The following RPRD2 variants were observed in gnomAD, a reference collection of about 807,000 sequenced individuals.
RPRD2 encodes the protein regulation of nuclear pre-mRNA domain containing 2.
In RPRD2, 12 loss-of-function variants were observed where a neutral mutation model predicts 104.4. The observed-to-expected ratio is 0.11, with a 90% CI of 0.07 to 0.19. The LOEUF is 0.19. Among genes scored for constraint, RPRD2 ranks in the 10% least tolerant of loss-of-function variants. RPRD2 has a pLI of 1.00. For missense variants in RPRD2, 1,543 were observed against 1,790.1 expected (o/e 0.86, Z 2.49); for synonymous variants, 714 against 684.9 (o/e 1.04, Z -0.66).
intron 1 of RPRD2, among the ~76,000 whole-genome samples, chr1:150,389,160 C>G (rs1553882745): frequency 1.3e-5 from 2 of 152,226 alleles, no homozygotes; most frequent in Middle Eastern, 3.4e-3. Context: ...CCTCAGACTC[C>G]CGAGTAGCTG....
At chr1:150,459,977 A>C in intron 8 of RPRD2, 83 bp from the exon 9 acceptor site, 1 of 1,324,576 alleles carries the variant, frequency 7.5e-7, no homozygotes, top group Non-Finnish European at 1.0e-6. Context: ...CCAAGTCCGG[A>C]AATATTAGGA....
chr1:150,376,225 C>T (rs1177220687), intron 1 of RPRD2, among the ~76,000 whole-genome samples: 1 of 152,034 alleles, frequency 6.6e-6, no homozygotes, highest in Non-Finnish European at 1.5e-5. Flanking sequence ...TTGATTGAGG[C>T]CTTGATCTCT....
intron 1 of RPRD2, among the ~76,000 whole-genome samples, chr1:150,386,022 G>A (rs1487935827): frequency 6.6e-6 from 1 of 151,916 alleles, no homozygotes; most frequent in Non-Finnish European, 1.5e-5. Flanking sequence ...AGAGGGGTGT[G>A]GTGTATGATT....
At chr1:150,461,052 C>A (rs1553898698) in intron 9 of RPRD2, among the ~76,000 whole-genome samples, 1 of 151,392 alleles carries the variant, frequency 6.6e-6, no homozygotes, top group African/African-American at 2.4e-5. Context: ...AAAAAATAAT[C>A]CAATAATCGG....
chr1:150,390,937 A>G (rs1294420137), intron 1 of RPRD2, among the ~76,000 whole-genome samples: 2 of 152,184 alleles, frequency 1.3e-5, no homozygotes, highest in African/African-American at 2.4e-5. Flanking sequence ...ATAAAAAGAA[A>G]TCTACTTGTA....
At chr1:150,436,142 A>C (rs1265105626) in intron 2 of RPRD2, among the ~76,000 whole-genome samples, 4 of 152,134 alleles carry the variant, frequency 2.6e-5, no homozygotes, top group African/African-American at 9.7e-5. Context: ...AAAAAAAAAA[A>C]AAACACAGAT....
intron 3 of RPRD2, chr1:150,441,467 G>T: frequency 5.1e-6 from 1 of 194,754 alleles, no homozygotes; most frequent in Non-Finnish European, 1.1e-5. Context: ...AGTAAGTGGT[G>T]TACTGTTTTG....
intron 1 of RPRD2, among the ~76,000 whole-genome samples, chr1:150,395,365 T>TTGTGTG (rs10524632): frequency 0.11 from 15,343 of 144,018 alleles, 927 homozygotes; most frequent in Non-Finnish European, 0.13. Context: ...TAGTATTCCA[T>TTGTGTG]TGTGTGTGTG....
intron 7 of RPRD2, among the ~76,000 whole-genome samples, chr1:150,451,510 T>A (rs1667168313): frequency 6.6e-6 from 1 of 150,442 alleles, no homozygotes; most frequent in African/African-American, 2.4e-5. Context: ...CCGTCTCCAC[T>A]AAAAAATACA....
At chr1:150,407,263 ATAAACT>A (rs1663554634) in intron 1 of RPRD2, among the ~76,000 whole-genome samples, 1 of 152,198 alleles carries the variant, frequency 6.6e-6, no homozygotes, top group Non-Finnish European at 1.5e-5. Flanking sequence ...ATCTCCCCAG[ATAAACT>A]TAATTGTAAG....
chr1:150,376,790 G>A (rs774595644), intron 1 of RPRD2, among the ~76,000 whole-genome samples: 1 of 150,018 alleles, frequency 6.7e-6, no homozygotes, highest in Non-Finnish European at 1.5e-5. Context: ...GTGAGCCACC[G>A]CGCCCGGCCG....
At chr1:150,402,025 T>G (rs1473708643) in intron 1 of RPRD2, among the ~76,000 whole-genome samples, 1 of 150,566 alleles carries the variant, frequency 6.6e-6, no homozygotes, top group African/African-American at 2.4e-5. Context: ...AGTGGCACAA[T>G]CTCGGCTCAC....
chr1:150,468,860 G>C (rs1403167673), intron 10 of RPRD2, among the ~76,000 whole-genome samples: 1 of 151,146 alleles, frequency 6.6e-6, no homozygotes, highest in Non-Finnish European at 1.5e-5. Context: ...CTGGGTGACA[G>C]AGCAAGAGCC....
intron 1 of RPRD2, among the ~76,000 whole-genome samples, chr1:150,413,769 T>C (rs1321193191): frequency 6.9e-6 from 1 of 144,610 alleles, no homozygotes; most frequent in African/African-American, 2.6e-5. Context: ...CTACTTAAAC[T>C]ACAAAATTAG....
In RPRD2 at chr1:150,424,848, T is replaced by G. The variant is rs587775635; in HGVS notation, c.335+7123T>G. 5.9e-5 allele frequency among the ~76,000 whole-genome samples: 9 copies of G among 152,324 alleles called. No homozygotes were observed. In the East Asian group the frequency reaches 1.3e-3, roughly 23 times the overall value. On this transcript the variant is annotated intron_variant, in intron 2 of 10. Coordinates refer to ENST00000369068, the MANE Select transcript of RPRD2 (RefSeq NM_015203.5). ...ATTTACCAGGGACTGATTCTTCTGTTAAAGTTTCTTCCTCCTTTTCTCTCT... is the reference window on the plus strand; with the variant it reads ...ATTTACCAGGGACTGATTCTTCTGTGAAAGTTTCTTCCTCCTTTTCTCTCT...
chr1:150,456,877 A>G (rs1231823045), intron 7 of RPRD2, among the ~76,000 whole-genome samples: 1 of 151,370 alleles, frequency 6.6e-6, no homozygotes, highest in East Asian at 1.9e-4. Flanking sequence ...GTGAGCTATG[A>G]TCATGCCACT....
At chr1:150,443,184 A>T (rs782376817) in intron 4 of RPRD2, 47 bp from the exon 5 acceptor site, 1 of 1,484,758 alleles carries the variant, frequency 6.7e-7, no homozygotes, top group African/African-American at 1.4e-5. Flanking sequence ...CTGTTAGTCA[A>T]CTTTTTGTGT....
chr1:150,432,578 T>C (rs587676710), intron 2 of RPRD2, among the ~76,000 whole-genome samples: 1 of 144,514 alleles, frequency 6.9e-6, no homozygotes, highest in South Asian at 2.1e-4. Flanking sequence ...ATTTAATGGC[T>C]GAAATGGCAC....
At chr1:150,381,608 C>G (rs1661136527) in intron 1 of RPRD2, among the ~76,000 whole-genome samples, 1 of 151,536 alleles carries the variant, frequency 6.6e-6, no homozygotes, top group African/African-American at 2.4e-5. Flanking sequence ...GGGTTCATGC[C>G]ATTCTCCTGC....
Sources: allele counts gnomAD v4.1 joint callset (sites outside exome capture counted in the v4.1 genomes callset), GRCh38; gene constraint gnomAD v4.1.1; transcripts MANE v1.5; gene names NCBI Gene and HGNC (gene_info 2026-07-23, HGNC 2026-07-21).